SLC25A23: variants seen among roughly 807,000 people sequenced by gnomAD.
The protein encoded by SLC25A23 is mitochondrial adenyl nucleotide antiporter SLC25A23.
A neutral mutation model predicts 53.9 loss-of-function variants in SLC25A23; 32 were observed. The observed-to-expected ratio is 0.59, with a 90% CI of 0.45 to 0.80. SLC25A23 has a LOEUF of 0.80. Among genes scored for constraint, SLC25A23 ranks in the 30% least tolerant of loss-of-function variants. The probability of loss-of-function intolerance (pLI) is 0.00; values close to 1 mark genes in which losing one functional copy is unlikely to be tolerated. For synonymous variants in SLC25A23, 275 were observed against 264.5 expected (o/e 1.04, Z -0.38); for missense variants, 575 against 651.4 (o/e 0.88, Z 1.28).
At chr19:6,449,770 G>A (rs2092560130) in intron 8 of SLC25A23, among the ~76,000 whole-genome samples, 1 of 151,480 alleles carries the variant, frequency 6.6e-6, no homozygotes, top group Admixed American at 6.6e-5. Context: ...CTGGGCTCAA[G>A]CAATCCTCCC....
chr19:6,449,605 G>T (rs1214489409), intron 8 of SLC25A23, among the ~76,000 whole-genome samples: 1 of 151,906 alleles, frequency 6.6e-6, no homozygotes, highest in Non-Finnish European at 1.5e-5. Context: ...TAGTAGAGAT[G>T]GGGTTTCACC....
Position 6,459,467 on chromosome 19 carries a change from G to T in SLC25A23, c.156+6C>A. 1 of 1,585,026 alleles carries T rather than the reference G, an allele frequency of 6.3e-7. No homozygotes were observed. The stretch of plus-strand genomic sequence containing the variant: ...GAGGGGAGGAGGTCCCTGGGGGTGG[G>T]GGTACCTGTTGGGCGCCGGGGTCTG... On this transcript the variant is annotated splice_donor_region_variant and intron_variant, in intron 1 of 9. Coordinates refer to ENST00000301454, the MANE Select transcript of SLC25A23 (RefSeq NM_024103.3). This position sits in a 1 kb window ranked among gnomAD's most constrained non-coding sequence, Gnocchi z 4.6.
At chr19:6,452,573 G>A (rs759233969) in intron 7 of SLC25A23, 94 bp from the exon 8 acceptor site, 2 of 1,419,078 alleles carry the variant, frequency 1.4e-6, no homozygotes, top group Non-Finnish European at 1.9e-6. Flanking sequence ...CCTGAAAACA[G>A]ATGCCCTGAG....
At position 6,453,967 on chromosome 19, in the gene SLC25A23, T is replaced by G; in HGVS notation, c.903+14A>C. 1 of 1,604,016 alleles carries G rather than the reference T, an allele frequency of 6.2e-7. No individual in the cohort carries two copies. The highest frequency in any genetic ancestry group is 2.2e-5 in the East Asian group (1 of 44,732). ...CCCTGCCATGGGGCCTCCGCTGGGG[T>G]CCCTCCTTCTCACCTCCATAGGGTA... On this transcript the variant is annotated intron_variant, in intron 7 of 9. Coordinates refer to ENST00000301454, the MANE Select transcript of SLC25A23 (RefSeq NM_024103.3).
Position 6,443,085 on chromosome 19 carries a change from C to T in SLC25A23, c.1223-926G>A, listed in dbSNP as rs189956823. Among the ~76,000 whole-genome samples the T allele has an allele frequency of 1.6e-3, 246 of 151,768 alleles. 1 individual carries two copies. Among genetic ancestry groups the T allele is most frequent in the Non-Finnish European group, 2.7e-3 (185 of 67,942 alleles). On this transcript the variant is annotated intron_variant, in intron 9 of 9. Transcript: ENST00000301454. ...TCTCGAGTAGCTAAGATTACAGGCG[C>T]CTGCTATCACACCCGGCTAATTTTT...
At chr19:6,453,670 T>C (rs1429254496) in intron 7 of SLC25A23, among the ~76,000 whole-genome samples, 1 of 152,208 alleles carries the variant, frequency 6.6e-6, no homozygotes, top group African/African-American at 2.4e-5. Flanking sequence ...TCATAAACAG[T>C]TGGTGACACC....
rs527820964 is a variant in SLC25A23 at position 6,457,551 on chromosome 19, G to A, written c.323C>T (p.Ala108Val). 1.2e-6 allele frequency: 2 copies of A among 1,614,074 alleles called. No homozygotes were observed. The highest frequency in any genetic ancestry group is 2.7e-5 in the African/African-American group (2 of 75,056). ...CTCCAGCGAGATGGAAATGCCCAGA[G>A]CTCGGAAACTCTGTTGGATCTCAGA... ...DVSEIQQSFR[A>V]LGISISLEQA... is the part of the protein sequence containing the mutation. The change falls in exon 3 of 10, where the codon GCT becomes GTT. Residue 108 changes from alanine (A) to valine (V), a missense_variant. Transcript: ENST00000301454.
At chr19:6,455,092 C>T (rs1477408988) in intron 4 of SLC25A23, among the ~76,000 whole-genome samples, 2 of 152,036 alleles carry the variant, frequency 1.3e-5, no homozygotes, top group African/African-American at 4.8e-5. Flanking sequence ...AGTTCAAGAC[C>T]AGCCTGGGCA....
At chr19:6,449,215 AAAT>A (rs775046881) in intron 8 of SLC25A23, among the ~76,000 whole-genome samples, 27 of 152,126 alleles carry the variant, frequency 1.8e-4, no homozygotes, top group Admixed American at 1.2e-3. Context: ...AGAATGCATT[AAAT>A]AATAAGACTG....
chr19:6,444,038 C>T, intron 9 of SLC25A23, 113 bp downstream of exon 9: 1 of 1,166,084 alleles, frequency 8.6e-7, no homozygotes, highest in Non-Finnish European at 1.2e-6. Flanking sequence ...GAAACGGAGG[C>T]CCAGAGAAGC....
intron 9 of SLC25A23, 129 bp from the exon 10 acceptor site, chr19:6,442,288 C>A (rs759463874): frequency 6.6e-5 from 42 of 635,328 alleles, no homozygotes; most frequent in Middle Eastern, 8.5e-4. Context: ...ACAGTGGGAC[C>A]TACCACTCAG....
Position 6,441,897 on chromosome 19 carries a change from G to T in SLC25A23, c.*78C>A, listed in dbSNP as rs1261947660. The T allele has an allele frequency of 2.9e-6, 4 of 1,392,850 alleles. No homozygotes were observed. The African/African-American group carries it at 4.3e-5, about 15-fold the overall frequency. 86.3% of individuals were successfully genotyped at this position (1,392,850 alleles called of 1,614,324 possible). A position where few individuals can be genotyped will look rare whatever the true frequency, so the allele number is the denominator to read the frequency against. On this transcript the variant is annotated 3_prime_UTR_variant, in exon 10 of 10. Coordinates refer to ENST00000301454, the MANE Select transcript of SLC25A23 (RefSeq NM_024103.3). ...TGGGATCTCGTGGCCAAAGAGTAGG[G>T]ATCCTGTGGTTGGATCATCAGTCTC...
chr19:6,456,322 T>C, intron 4 of SLC25A23, 98 bp downstream of exon 4: 1 of 1,245,088 alleles, frequency 8.0e-7, no homozygotes, highest in Non-Finnish European at 1.1e-6. Context: ...TTCTGGAAAG[T>C]CCTGGTCCAG....
chr19:6,454,273 A>T lies in SLC25A23; in HGVS notation c.795+50T>A. The T allele has an allele frequency of 6.3e-7, 1 of 1,581,644 alleles. No homozygotes were observed. Among genetic ancestry groups the T allele is most frequent in the Non-Finnish European group, 8.6e-7 (1 of 1,161,818 alleles). Reference sequence around the variant, plus strand: ...GCCAATCCCGTAAATCTTTATGTACAGCCCAGTCTTCCCTATGGCAAGCAC... The same window carrying T: ...GCCAATCCCGTAAATCTTTATGTACTGCCCAGTCTTCCCTATGGCAAGCAC... On this transcript the variant is annotated intron_variant, in intron 6 of 9. Coordinates refer to ENST00000301454, the MANE Select transcript of SLC25A23 (RefSeq NM_024103.3). This position sits in a 1 kb window ranked among gnomAD's most constrained non-coding sequence, Gnocchi z 4.3.
At chr19:6,443,042 G>C (rs1231903471) in intron 9 of SLC25A23, among the ~76,000 whole-genome samples, 1 of 150,110 alleles carries the variant, frequency 6.7e-6, no homozygotes, top group Non-Finnish European at 1.5e-5. Context: ...GGGTTCAAGT[G>C]ATTCTCCTGC....
rs1186807425 is a variant in SLC25A23 at position 6,459,539 on chromosome 19, G to A, written c.90C>T (p.Asp30=). The change falls in exon 1 of 10, where the codon GAC becomes GAT. Residue 30 remains aspartate, a synonymous_variant. Coordinates refer to ENST00000301454, the MANE Select transcript of SLC25A23 (RefSeq NM_024103.3). This position sits in a 1 kb window ranked among gnomAD's most constrained non-coding sequence, Gnocchi z 4.6. ...ELDSNKDGRV[D]VHELRQGLAR... ...CCAGCCCCTGGCGCAACTCGTGCAC[G>A]TCCACGCGGCCATCCTTGTTACTGT... 6 of 1,598,948 alleles carry A rather than the reference G, an allele frequency of 3.8e-6. No homozygotes were observed. In the African/African-American group the frequency reaches 4.0e-5, roughly 11 times the overall value.
At chr19:6,439,073 A>G (rs2092374800), downstream of SLC25A23, among the ~76,000 whole-genome samples, 1 of 146,254 alleles carries the variant, frequency 6.8e-6, no homozygotes, top group South Asian at 2.2e-4. Context: ...ACAAACAAAA[A>G]GTTGGGCATG....
chr19:6,457,678 G>T (rs2092700833), intron 2 of SLC25A23, 88 bp from the exon 3 acceptor site: 2 of 1,196,066 alleles, frequency 1.7e-6, no homozygotes, highest in Non-Finnish European at 2.5e-6. Context: ...GCTTGGAATG[G>T]AGGTGGTCTA....
intron 2 of SLC25A23, among the ~76,000 whole-genome samples, 170 bp from the exon 3 acceptor site, chr19:6,457,760 G>A (rs1363643429): frequency 1.3e-5 from 2 of 151,970 alleles, no homozygotes; most frequent in African/African-American, 4.8e-5. Flanking sequence ...TGACTCACTG[G>A]GGTCAGAGAG....
Sources: allele counts gnomAD v4.1 joint callset (sites outside exome capture counted in the v4.1 genomes callset), GRCh38; gene constraint gnomAD v4.1.1; non-coding constraint Gnocchi (gnomAD v3.1); transcripts MANE v1.5; gene names NCBI Gene and HGNC (gene_info 2026-07-23, HGNC 2026-07-21).